COMMD1: variants seen among roughly 807,000 people sequenced by gnomAD.
COMMD1 encodes COMM domain-containing protein 1.
In COMMD1, 10 loss-of-function variants were observed where a neutral mutation model predicts 17.2. That is an observed-to-expected ratio of 0.58 (90% CI 0.36 to 0.99). COMMD1 has a LOEUF of 0.99. Among genes scored for constraint, COMMD1 ranks in the 50% least tolerant of loss-of-function variants. The pLI is 0.01. For missense variants in COMMD1, 270 were observed against 231.8 expected, an observed-to-expected ratio of 1.17 and a Z score of -1.07; for synonymous variants, 97 against 91.6, an observed-to-expected ratio of 1.06 and a Z score of -0.34.
intron 1 of COMMD1, among the ~76,000 whole-genome samples, chr2:61,897,687 T>G (rs148852207): frequency 0.012 from 1,846 of 152,218 alleles, 43 homozygotes; most frequent in African/African-American, 0.043. Context: ...AGGCGGAGGT[T>G]GCAGTGAACC....
chr2:62,047,613 C>G (rs1670416483), intron 2 of COMMD1, among the ~76,000 whole-genome samples: 1 of 152,042 alleles, frequency 6.6e-6, no homozygotes, highest in African/African-American at 2.4e-5. Flanking sequence ...TGCCACCACA[C>G]TGGGCTAATT....
intron 2 of COMMD1, among the ~76,000 whole-genome samples, chr2:62,116,786 A>G (rs1672618674): frequency 6.6e-6 from 1 of 151,528 alleles, no homozygotes; most frequent in Admixed American, 6.6e-5. Flanking sequence ...CGGGAGTTCC[A>G]GACCAGCCTG....
In COMMD1 at chr2:61,908,190, G is replaced by A. The variant is rs1331535081; in HGVS notation, c.180+2332G>A. On this transcript the variant is annotated intron_variant, in intron 1 of 2. Transcript: ENST00000311832. ...GTTTTACATAGGGCTGAAACCGTGG[G>A]CTCAGGATGACATTCAGTTCCAATC... Among the ~76,000 whole-genome samples the A allele has an allele frequency of 2.6e-5, 4 of 151,886 alleles. No homozygotes were observed. In the East Asian group the frequency reaches 7.7e-4, roughly 29 times the overall value.
intron 1 of COMMD1, among the ~76,000 whole-genome samples, chr2:61,963,936 G>GAA (rs775507011): frequency 2.6e-5 from 4 of 152,166 alleles, no homozygotes; most frequent in Admixed American, 6.5e-5. Context: ...CTCCAGAATG[G>GAA]AAAACTACAG....
intron 2 of COMMD1, among the ~76,000 whole-genome samples, chr2:62,016,162 A>T (rs7602474): frequency 6.7e-6 from 1 of 150,224 alleles, no homozygotes; most frequent in East Asian, 1.9e-4. Flanking sequence ...AATCTTTTTT[A>T]TTTTTCTTTC....
Position 62,013,628 on chromosome 2 carries a change from G to A in COMMD1, c.462+12646G>A, listed in dbSNP as rs150091779. ...TGGAAATAGAGGTAATTTTAAGGAA[G>A]TGAAGTGAGCAGGTAGAGTGTAGGT... On this transcript the variant is annotated intron_variant, in intron 2 of 2. Coordinates refer to ENST00000311832, the MANE Select transcript of COMMD1 (RefSeq NM_152516.4). 3.5e-4 allele frequency among the ~76,000 whole-genome samples: 53 copies of A among 152,312 alleles called. 2 individuals carry two copies. In the East Asian group the frequency reaches 9.3e-3, roughly 27 times the overall value.
chr2:61,991,435 G>A (rs1351838720), intron 1 of COMMD1, among the ~76,000 whole-genome samples: 1 of 152,182 alleles, frequency 6.6e-6, no homozygotes, highest in Non-Finnish European at 1.5e-5. Flanking sequence ...ACTTCAAGGT[G>A]TTAGATGATG....
intron 2 of COMMD1, among the ~76,000 whole-genome samples, chr2:62,110,140 T>C (rs1334525519): frequency 2.6e-5 from 4 of 151,974 alleles, no homozygotes; most frequent in Admixed American, 6.6e-5. Flanking sequence ...AGTGGCACAA[T>C]CACAGCTCAC....
intron 2 of COMMD1, chr2:62,100,038 G>T (rs1404914656): frequency 6.6e-6 from 1 of 152,030 alleles, no homozygotes; most frequent in African/African-American, 2.4e-5. Flanking sequence ...AGGCAATGGA[G>T]AATGACTGTT....
chr2:62,041,149 T>C (rs1280363660), intron 2 of COMMD1, among the ~76,000 whole-genome samples: 3 of 152,240 alleles, frequency 2.0e-5, no homozygotes, highest in Admixed American at 1.3e-4. Context: ...AGGAATGCAA[T>C]ATTACATTTA....
At chr2:61,999,869 A>G (rs1246959370) in intron 1 of COMMD1, among the ~76,000 whole-genome samples, 3 of 152,164 alleles carry the variant, frequency 2.0e-5, no homozygotes, top group Admixed American at 6.5e-5. Flanking sequence ...GATGTTTCCA[A>G]AGGGAGTATT....
At chr2:62,120,940 T>C (rs376647860) in intron 2 of COMMD1, among the ~76,000 whole-genome samples, 50 of 152,158 alleles carry the variant, frequency 3.3e-4, no homozygotes, top group African/African-American at 1.2e-3. Context: ...GACAGGGTTT[T>C]TTCATGTTGC....
intron 2 of COMMD1, among the ~76,000 whole-genome samples, chr2:62,035,017 T>G (rs913773119): frequency 2.6e-5 from 4 of 152,228 alleles, no homozygotes; most frequent in Admixed American, 2.0e-4. Flanking sequence ...TTATGTTTCC[T>G]TCTGTGAAGC....
At chr2:61,902,614 T>A (rs1669681194), upstream of COMMD1, among the ~76,000 whole-genome samples, 1 of 152,068 alleles carries the variant, frequency 6.6e-6, no homozygotes, top group African/African-American at 2.4e-5. Flanking sequence ...TAAAAAAAAT[T>A]TACTCTCAAA....
intron 2 of COMMD1, among the ~76,000 whole-genome samples, chr2:62,057,572 ATATTT>A (rs927292505): frequency 3.9e-5 from 6 of 152,050 alleles, no homozygotes; most frequent in Admixed American, 1.3e-4. Flanking sequence ...TCAGTTCAAA[ATATTT>A]TATTTATTTT....
At chr2:62,100,341 CTG>C (rs1461657670) in intron 2 of COMMD1, 8 of 152,174 alleles carry the variant, frequency 5.3e-5, no homozygotes, top group African/African-American at 1.4e-4. Context: ...GAGTCAAACA[CTG>C]TAAAATATTT....
chr2:62,066,633 C>A (rs1671050907), intron 2 of COMMD1, among the ~76,000 whole-genome samples: 1 of 151,442 alleles, frequency 6.6e-6, no homozygotes, highest in Non-Finnish European at 1.5e-5. Context: ...CATCTCCTGA[C>A]CTCGTGATCT....
At chr2:61,982,744 G>A (rs767471107) in intron 1 of COMMD1, among the ~76,000 whole-genome samples, 7 of 152,066 alleles carry the variant, frequency 4.6e-5, no homozygotes, top group Non-Finnish European at 1.0e-4. Flanking sequence ...ATGAAGGGAT[G>A]TTGAATTTTA....
intron 2 of COMMD1, among the ~76,000 whole-genome samples, chr2:62,123,687 CT>C (rs1296993206): frequency 1.3e-5 from 2 of 151,628 alleles, no homozygotes; most frequent in African/African-American, 4.9e-5. Flanking sequence ...AAGGATTTGC[CT>C]TTGTTACTTT....
Sources: allele counts gnomAD v4.1 joint callset (sites outside exome capture counted in the v4.1 genomes callset), GRCh38; gene constraint gnomAD v4.1.1; transcripts MANE v1.5; gene names NCBI Gene and HGNC (gene_info 2026-07-23, HGNC 2026-07-21).